The following FANCM variants were observed in gnomAD, a reference collection of about 807,000 sequenced individuals.
FANCM encodes the protein FA complementation group M.
FANCM carries 140 observed loss-of-function variants against 199.5 expected under a neutral mutation model. That is an observed-to-expected ratio of 0.70 (90% confidence interval 0.61 to 0.81). The LOEUF (loss-of-function observed/expected upper bound fraction) is 0.81. Among genes scored for constraint, FANCM ranks in the 30% least tolerant of loss-of-function variants. FANCM has a pLI of 0.00. For synonymous variants in FANCM, 840 were observed against 836.8 expected (o/e 1.00, Z -0.07); for missense variants, 2,410 against 2,421.4 (o/e 1.00, Z 0.10).
chr14:45,165,072 G>A (rs1227451726), intron 10 of FANCM, among the ~76,000 whole-genome samples: 2 of 152,178 alleles, frequency 1.3e-5, no homozygotes, highest in East Asian at 3.8e-4. Context: ...TAAGTGATAA[G>A]GAACTTGAGT....
In FANCM at chr14:45,200,522, C is replaced by G. The variant is rs1467837403; in HGVS notation, c.*514C>G. 2.6e-5 allele frequency: 4 copies of G among 153,162 alleles called. No homozygotes were observed. The highest frequency in any genetic ancestry group is 4.4e-5 in the Non-Finnish European group (3 of 68,856). 9.5% of individuals were successfully genotyped at this position (153,162 alleles called of 1,614,324 possible). On this transcript the variant is annotated 3_prime_UTR_variant, in exon 23 of 23. Transcript: ENST00000267430. ...GTAGAAAACTTAACTGAATGTTTAT[C>G]TGACCAAAGGTGTGTCCCAGTTAAG...
At chr14:45,137,614 G>A (rs973364767) in intron 2 of FANCM, 2 of 269,084 alleles carry the variant, frequency 7.4e-6, no homozygotes, top group Non-Finnish European at 1.5e-5. Context: ...TCTTCTTGGC[G>A]GCTAGGTAAA....
chr14:45,168,890 A>G (rs1888156047), intron 11 of FANCM, among the ~76,000 whole-genome samples: 1 of 149,468 alleles, frequency 6.7e-6, no homozygotes, highest in East Asian at 1.9e-4. Flanking sequence ...TATGTAATTC[A>G]TCTGAGCTTA....
At chr14:45,140,263 A>G (rs1039223772) in intron 2 of FANCM, among the ~76,000 whole-genome samples, 2 of 151,710 alleles carry the variant, frequency 1.3e-5, no homozygotes, top group African/African-American at 4.8e-5. Context: ...AGGTTTCACC[A>G]TGTTGCCCAG....
intron 3 of FANCM, among the ~76,000 whole-genome samples, chr14:45,146,023 C>T (rs1886346614): frequency 6.9e-6 from 1 of 144,452 alleles, no homozygotes; most frequent in South Asian, 2.3e-4. Context: ...CCCGCCACTG[C>T]ACTCCAGCCT....
rs1885455211 is a variant in FANCM at position 45,135,994 on chromosome 14, C to T, written c.-38C>T. Reference sequence around the variant, plus strand: ...CGTAGCGGTTGAGCTGCTGCTGCTACGGATATCTGACAGAAGCCTTCGGTG... The same window carrying T: ...CGTAGCGGTTGAGCTGCTGCTGCTATGGATATCTGACAGAAGCCTTCGGTG... On this transcript the variant is annotated 5_prime_UTR_variant, in exon 1 of 23. In the 5' UTR this introduces an upstream ATG that the reference lacks. Coordinates refer to ENST00000267430, the MANE Select transcript of FANCM (RefSeq NM_020937.4). The T allele has an allele frequency of 3.1e-6, 5 of 1,610,560 alleles. No homozygotes were observed. In the South Asian group the frequency reaches 3.3e-5, roughly 11 times the overall value.
chr14:45,191,410 A>G (rs1336169295), intron 20 of FANCM, among the ~76,000 whole-genome samples: 4 of 152,194 alleles, frequency 2.6e-5, no homozygotes, highest in Non-Finnish European at 4.4e-5. Context: ...AGTGGAGATG[A>G]GGCTACAGAG....
At chr14:45,182,535 T>G (rs116299439) in intron 16 of FANCM, among the ~76,000 whole-genome samples, 386 of 152,290 alleles carry the variant, frequency 2.5e-3, no homozygotes, top group African/African-American at 8.7e-3. Flanking sequence ...AGTTTGAAGT[T>G]TCTGTGGGAT....
Position 45,199,890 on chromosome 14 carries a change from T to G in FANCM, c.6029T>G (p.Met2010Arg), listed in dbSNP as rs371430012. Residue 2010 changes from methionine (M) to arginine (R), a missense_variant, in exon 23 of 23, where the codon ATG becomes AGG. Transcript: ENST00000267430. ...TTCAGCTCACTTCAAGAAATCTCCATGTATGCACAAGTAACTCATCAGAAG... is the reference window on the plus strand; with the variant it reads ...TTCAGCTCACTTCAAGAAATCTCCAGGTATGCACAAGTAACTCATCAGAAG... The part of the protein sequence containing the change: ...MANSSLQEIS[M>R]YAQVTHQKAE... 1 of 1,612,156 alleles carries G rather than the reference T, an allele frequency of 6.2e-7. No individual in the cohort carries two copies. Among genetic ancestry groups the G allele is most frequent in the East Asian group, 2.2e-5 (1 of 44,688 alleles).
intron 3 of FANCM, among the ~76,000 whole-genome samples, chr14:45,147,562 C>G (rs996447462): frequency 6.6e-6 from 1 of 152,070 alleles, no homozygotes; most frequent in African/African-American, 2.4e-5. Context: ...GGATTACACC[C>G]TTAGGCGTGA....
intron 20 of FANCM, among the ~76,000 whole-genome samples, chr14:45,195,297 G>A (rs1889993946): frequency 6.6e-6 from 1 of 152,166 alleles, no homozygotes; most frequent in African/African-American, 2.4e-5. Flanking sequence ...GATCACACAG[G>A]TATTGTGTAT....
At position 45,159,267 on chromosome 14, in the gene FANCM, A is replaced by C; in HGVS notation, c.1568A>C (p.Lys523Thr). 1 of 1,612,122 alleles carries C rather than the reference A, an allele frequency of 6.2e-7. No individual in the cohort carries two copies. Among genetic ancestry groups the C allele is most frequent in the Non-Finnish European group, 8.5e-7 (1 of 1,178,386 alleles). ...SGKSTKGFTQ[K>T]EQLEVVKQFR... ...AAAAGCACGAAGGGTTTTACCCAGA[A>C]GGAGCAACTGGAGGTAATTATTTTT... The change falls in exon 9 of 23, where the codon AAG becomes ACG. Residue 523 changes from lysine to threonine, a missense_variant. By Grantham distance (78) the Lys-to-Thr change is moderately conservative. Coordinates refer to ENST00000267430, the MANE Select transcript of FANCM (RefSeq NM_020937.4).
At chr14:45,194,628 C>T (rs1773393113) in intron 20 of FANCM, among the ~76,000 whole-genome samples, 1 of 152,004 alleles carries the variant, frequency 6.6e-6, no homozygotes, top group Non-Finnish European at 1.5e-5. Context: ...ATAATTTGTT[C>T]AACATTTCCA....
chr14:45,183,716 AC>A, intron 16 of FANCM, 57 bp from the exon 17 acceptor site: 2 of 1,266,918 alleles, frequency 1.6e-6, no homozygotes, highest in Non-Finnish European at 2.3e-6. Context: ...GAGCAATTTT[AC>A]TTGTCTAGGA....
intron 20 of FANCM, among the ~76,000 whole-genome samples, chr14:45,191,223 G>T (rs1889747125): frequency 6.6e-6 from 1 of 152,112 alleles, no homozygotes; most frequent in Admixed American, 6.6e-5. Flanking sequence ...TTATTTGTAT[G>T]AATGTGTCTT....
At position 45,159,241 on chromosome 14, in the gene FANCM, G is replaced by A. The variant is rs781738218; in HGVS notation, c.1542G>A (p.Gly514=). The stretch of plus-strand genomic sequence containing the variant: ...TGACTTTTGTCGGCCATGCCTCAGG[G>A]AAAAGCACGAAGGGTTTTACCCAGA... ...RVMTFVGHAS[G]KSTKGFTQKE... is the part of the protein sequence containing the mutation. Residue 514 remains glycine, a synonymous_variant, in exon 9 of 23, where the codon GGG becomes GGA. Coordinates refer to ENST00000267430, the MANE Select transcript of FANCM (RefSeq NM_020937.4). 8.7e-6 allele frequency: 14 copies of A among 1,613,640 alleles called. No individual in the cohort carries two copies. In the South Asian group the frequency reaches 1.5e-4, roughly 18 times the overall value.
rs1437328193 is a variant in FANCM, at chr14:45,159,224, G to C, written c.1525G>C (p.Val509Leu). The change falls in exon 9 of 23, where the codon GTC becomes CTC. Residue 509 changes from valine to leucine, a missense_variant. Physicochemically the swap from Val to Leu is conservative, Grantham distance 32. Coordinates refer to ENST00000267430, the MANE Select transcript of FANCM (RefSeq NM_020937.4). Reference sequence around the variant, plus strand: ...GCCAATTATTAGAGTAATGACTTTTGTCGGCCATGCCTCAGGGAAAAGCAC... The same window carrying C: ...GCCAATTATTAGAGTAATGACTTTTCTCGGCCATGCCTCAGGGAAAAGCAC... ...HQPIIRVMTF[V>L]GHASGKSTKG... 1.2e-6 allele frequency: 2 copies of C among 1,613,962 alleles called. No individual in the cohort carries two copies. The highest frequency in any genetic ancestry group is 2.2e-5 in the East Asian group (1 of 44,864).
At chr14:45,187,144 G>A (rs1889450352) in intron 18 of FANCM, among the ~76,000 whole-genome samples, 1 of 151,940 alleles carries the variant, frequency 6.6e-6, no homozygotes, top group African/African-American at 2.4e-5. Context: ...AATTTAGATG[G>A]TGATTATAGA....
intron 5 of FANCM, among the ~76,000 whole-genome samples, chr14:45,153,201 C>T (rs1886944484): frequency 6.6e-6 from 1 of 152,116 alleles, no homozygotes; most frequent in Non-Finnish European, 1.5e-5. Context: ...TTCATTTTTC[C>T]ATGAGAGTAG....
Sources: allele counts gnomAD v4.1 joint callset (sites outside exome capture counted in the v4.1 genomes callset), GRCh38; gene constraint gnomAD v4.1.1; transcripts MANE v1.5; gene names NCBI Gene and HGNC (gene_info 2026-07-23, HGNC 2026-07-21).